The following PIAS2 variants were observed in gnomAD, a reference collection of about 807,000 sequenced individuals.
The protein encoded by PIAS2 is protein inhibitor of activated STAT 2.
Under a neutral mutation model 69.7 loss-of-function variants are expected in PIAS2, and 19 were observed. That is an observed-to-expected ratio of 0.27 (90% CI 0.19 to 0.40). The LOEUF is 0.40. Ranked by LOEUF, PIAS2 falls within the 10% of genes least tolerant of loss-of-function variation. PIAS2 has a pLI of 1.00. For missense variants in PIAS2, 624 were observed against 757.0 expected (o/e 0.82, Z 2.06); for synonymous variants, 261 against 263.2 (o/e 0.99, Z 0.08).
intron 5 of PIAS2, among the ~76,000 whole-genome samples, chr18:46,849,817 C>T (rs886301552): frequency 2.6e-5 from 4 of 152,210 alleles, no homozygotes; most frequent in African/African-American, 9.6e-5. Context: ...TGTTGCCATT[C>T]TTGTTTCAAA....
At chr18:46,851,914 C>T (rs1002422382) in intron 5 of PIAS2, among the ~76,000 whole-genome samples, 1 of 152,186 alleles carries the variant, frequency 6.6e-6, no homozygotes, top group Admixed American at 6.5e-5. Context: ...CTCTAATGGG[C>T]AATTCATGAC....
chr18:46,818,742 T>C (rs1417643114), intron 12 of PIAS2, among the ~76,000 whole-genome samples: 2 of 152,066 alleles, frequency 1.3e-5, no homozygotes, highest in Non-Finnish European at 2.9e-5. Context: ...CTAGCAATTC[T>C]TCTAAAGCAA....
At chr18:46,870,819 T>C (rs1050537959) in intron 2 of PIAS2, among the ~76,000 whole-genome samples, 1 of 151,746 alleles carries the variant, frequency 6.6e-6, no homozygotes, top group African/African-American at 2.4e-5. Context: ...AACGTGAACA[T>C]CCTCCTGGCC....
intron 2 of PIAS2, among the ~76,000 whole-genome samples, chr18:46,864,727 A>G (rs1234182938): frequency 1.3e-5 from 2 of 150,546 alleles, no homozygotes; most frequent in African/African-American, 4.9e-5. Context: ...CCAAGATTGC[A>G]CCATTGCACT....
chr18:46,844,143 A>G lies in PIAS2; in HGVS notation c.968-16T>C. On this transcript the variant is annotated splice_polypyrimidine_tract_variant and intron_variant, in intron 7 of 13. Transcript: ENST00000585916. ...TTTTCTTTAACTTTAAAAAGAAGAG[A>G]AAAAAAAAAATTTAAAAAAATTAAG... 1.8e-6 allele frequency: 2 copies of G among 1,132,830 alleles called. No individual in the cohort carries two copies. The highest frequency in any genetic ancestry group is 3.7e-5 in the South Asian group (2 of 53,392). The allele number at this position is 1,132,830 out of a possible 1,614,324, so 70.2% of individuals were successfully genotyped here. A position where few individuals can be genotyped will look rare whatever the true frequency, so the allele number is the denominator to read the frequency against.
At chr18:46,916,739 G>A in intron 1 of PIAS2, 1 of 835,302 alleles carries the variant, frequency 1.2e-6, no homozygotes, top group Non-Finnish European at 1.4e-6. Context: ...GTTTAAGGCC[G>A]ATTATTGAAG....
intron 1 of PIAS2, among the ~76,000 whole-genome samples, chr18:46,898,310 G>A (rs994815609): frequency 2.6e-5 from 4 of 151,870 alleles, no homozygotes; most frequent in African/African-American, 9.7e-5. Context: ...ACCACACCTG[G>A]CTAAATTTTG....
At chr18:46,867,546 AG>A (rs1275700680) in intron 2 of PIAS2, among the ~76,000 whole-genome samples, 1 of 152,246 alleles carries the variant, frequency 6.6e-6, no homozygotes, top group Non-Finnish European at 1.5e-5. Flanking sequence ...TTTGGGAATC[AG>A]AAAACCAATT....
At chr18:46,881,873 C>T (rs1048145540) in intron 2 of PIAS2, among the ~76,000 whole-genome samples, 1 of 152,174 alleles carries the variant, frequency 6.6e-6, no homozygotes, top group Non-Finnish European at 1.5e-5. Flanking sequence ...CCAAGGCAGG[C>T]AGATCACGAG....
At chr18:46,906,111 A>G (rs2146231017) in intron 1 of PIAS2, 1 of 152,320 alleles carries the variant, frequency 6.6e-6, no homozygotes, top group South Asian at 2.1e-4. Context: ...AAAGATGCAG[A>G]AAAAGCTTCT....
intron 12 of PIAS2, chr18:46,816,004 A>C (rs1316474215): frequency 1.0e-6 from 1 of 984,598 alleles, no homozygotes; most frequent in Non-Finnish European, 1.2e-6. Flanking sequence ...CCAGTAATAT[A>C]CTTTTGACAT....
At chr18:46,867,369 A>G (rs527797344) in intron 2 of PIAS2, among the ~76,000 whole-genome samples, 1 of 152,378 alleles carries the variant, frequency 6.6e-6, no homozygotes, top group South Asian at 2.1e-4. Context: ...TAACATTGAC[A>G]GTTCTTAGAT....
At position 46,807,355 on chromosome 18, in the gene PIAS2, TTATATATATATATA is replaced by T. The variant is rs1289254598; in HGVS notation, c.*5064_*5077del. ...AGGTGTTTCTGAAACATGTCAGATT[TTATATATATATATA>T]TATATATATATATATTTTTTTTTTT... On this transcript the variant is annotated 3_prime_UTR_variant, in exon 14 of 14. Transcript: ENST00000585916. 1.3e-4 allele frequency: 4 copies of T among 29,970 alleles called. No homozygotes were observed. Among genetic ancestry groups the T allele is most frequent in the African/African-American group, 4.2e-4 (2 of 4,782 alleles). The allele number at this position is 29,970 out of a possible 1,614,324, so 1.9% of individuals were successfully genotyped here. A position where few individuals can be genotyped will look rare whatever the true frequency, so the allele number is the denominator to read the frequency against.
At chr18:46,882,313 T>C (rs978618032) in intron 2 of PIAS2, among the ~76,000 whole-genome samples, 2 of 152,054 alleles carry the variant, frequency 1.3e-5, no homozygotes, top group African/African-American at 4.8e-5. Context: ...AAAAAGAGAT[T>C]GATTCTTATT....
chr18:46,904,226 A>C (rs1306153514), intron 1 of PIAS2: 2 of 152,194 alleles, frequency 1.3e-5, no homozygotes, highest in Non-Finnish European at 2.9e-5. Context: ...AACTAGAGAG[A>C]GTATACAGAA....
At chr18:46,902,156 T>A (rs2055960150) in intron 1 of PIAS2, among the ~76,000 whole-genome samples, 1 of 151,106 alleles carries the variant, frequency 6.6e-6, no homozygotes, top group South Asian at 2.1e-4. Flanking sequence ...CATCACCATT[T>A]ATAACACTCC....
intron 11 of PIAS2, among the ~76,000 whole-genome samples, chr18:46,824,204 T>C (rs900222417): frequency 6.6e-6 from 1 of 152,212 alleles, no homozygotes; most frequent in Non-Finnish European, 1.5e-5. Flanking sequence ...GAGAATTGCA[T>C]GAAACTCACA....
In PIAS2 at chr18:46,846,912, T is replaced by C. The variant is rs1289762949; in HGVS notation, c.727-71A>G. ...GATTAAACATTTTCTCCAAGATAGA[T>C]ACAGGATCCTGCCCAATTTCAGTTA... On this transcript the variant is annotated intron_variant, in intron 5 of 13. Transcript: ENST00000585916. 6 of 1,358,614 alleles carry C rather than the reference T, an allele frequency of 4.4e-6. No individual in the cohort carries two copies. In the African/African-American group the frequency reaches 5.9e-5, roughly 13 times the overall value. 84.2% of individuals were successfully genotyped at this position (1,358,614 alleles called of 1,614,324 possible). A position where few individuals can be genotyped will look rare whatever the true frequency, so the allele number is the denominator to read the frequency against.
chr18:46,826,039 T>C (rs1278773619), intron 11 of PIAS2, among the ~76,000 whole-genome samples: 1 of 152,242 alleles, frequency 6.6e-6, no homozygotes, highest in Admixed American at 6.5e-5. Context: ...TGTGTATGTA[T>C]GTCTAGGTTG....
Sources: gnomAD v4.1 joint callset for allele counts (sites outside exome capture counted in the v4.1 genomes callset) on GRCh38, gnomAD v4.1.1 for gene constraint, MANE v1.5 for transcripts, NCBI Gene and HGNC (gene_info 2026-07-23, HGNC 2026-07-21) for gene names.